The following GRIA4 variants were observed in gnomAD, a reference collection of about 807,000 sequenced individuals.
GRIA4 encodes glutamate ionotropic receptor AMPA type subunit 4, also known as glutamate receptor 4.
GRIA4 carries 34 observed loss-of-function variants against 104.0 expected under a neutral mutation model. That is an observed-to-expected ratio of 0.33 (90% CI 0.25 to 0.44). The LOEUF (loss-of-function observed/expected upper bound fraction) is 0.44. Ranked by LOEUF, GRIA4 falls within the 20% of genes least tolerant of loss-of-function variation. GRIA4 has a pLI of 1.00. For missense variants in GRIA4, 750 were observed against 1,096.5 expected (o/e 0.68, Z 4.46); for synonymous variants, 386 against 381.9 (o/e 1.01, Z -0.13).
chr11:105,651,663 C>T (rs1162061888), intron 3 of GRIA4, among the ~76,000 whole-genome samples: 3 of 152,004 alleles, frequency 2.0e-5, no homozygotes, highest in African/African-American at 7.2e-5. Context: ...ACTGTGATAA[C>T]ACTTTATATT....
Position 105,753,038 on chromosome 11 carries a change from C to T in GRIA4, c.305C>T (p.Ser102Leu), listed in dbSNP as rs748694295. Residue 102 changes from serine to leucine, a missense_variant, in exon 4 of 17, where the codon TCG becomes TTG. By Grantham distance (145) the Ser-to-Leu change is moderately radical. Around this residue, in one of 3 missense-constraint regions of GRIA4, gnomAD observed 410 missense variants for 502.7 expected, o/e 0.82. Coordinates refer to ENST00000282499, the MANE Select transcript of GRIA4 (RefSeq NM_000829.4). The stretch of plus-strand genomic sequence containing the variant: ...ATTTTTGGACTCTATGATAAGAGGT[C>T]GGTACATACCTTGACCTCATTCTGC... ...FAIFGLYDKR[S>L]VHTLTSFCSA... is the part of the protein sequence containing the mutation. 3.7e-6 allele frequency: 6 copies of T among 1,612,844 alleles called. No homozygotes were observed. The highest frequency in any genetic ancestry group is 2.2e-5 in the East Asian group (1 of 44,822).
intron 3 of GRIA4, among the ~76,000 whole-genome samples, chr11:105,622,480 T>C (rs1950772936): frequency 6.6e-6 from 1 of 151,908 alleles, no homozygotes; most frequent in Non-Finnish European, 1.5e-5. Flanking sequence ...CTGTTTATCT[T>C]CTGAAGTTCT....
intron 4 of GRIA4, among the ~76,000 whole-genome samples, chr11:105,844,791 ACTG>A (rs1944523742): frequency 6.6e-6 from 1 of 152,136 alleles, no homozygotes; most frequent in South Asian, 2.1e-4. Context: ...TACTACCACT[ACTG>A]CTACTACTAT....
chr11:105,745,894 C>T (rs1939626841), intron 3 of GRIA4, among the ~76,000 whole-genome samples: 1 of 152,070 alleles, frequency 6.6e-6, no homozygotes, highest in South Asian at 2.1e-4. Context: ...TTTTAGCTTG[C>T]CTGCCTCTCC....
intron 3 of GRIA4, among the ~76,000 whole-genome samples, chr11:105,701,704 G>C (rs1273134421): frequency 1.3e-5 from 2 of 152,054 alleles, no homozygotes; most frequent in East Asian, 3.9e-4. Context: ...CTTCCACTTG[G>C]CCTCTTCCAC....
At chr11:105,760,243 T>C (rs113713371) in intron 4 of GRIA4, among the ~76,000 whole-genome samples, 3,293 of 152,216 alleles carry the variant, frequency 0.022, 51 homozygotes, top group Non-Finnish European at 0.033. Flanking sequence ...TGTTTTCCCT[T>C]CAAGCAACCG....
At chr11:105,906,520 G>T (rs948881221) in intron 9 of GRIA4, among the ~76,000 whole-genome samples, 5 of 152,152 alleles carry the variant, frequency 3.3e-5, no homozygotes, top group Non-Finnish European at 5.9e-5. Flanking sequence ...AATGGCAAAG[G>T]CTTTCCCAGT....
Position 105,862,156 on chromosome 11 carries a change from A to G in GRIA4, c.620A>G (p.Lys207Arg). ...GAAGAACTTGACAGAAGACAAGAGA[A>G]GAAGTTTGTAATAGACTGTGAGATA... ...LLEELDRRQE[K>R]KFVIDCEIER... The change falls in exon 5 of 17, where the codon AAG becomes AGG. Residue 207 changes from lysine (K) to arginine (R), a missense_variant. Transcript: ENST00000282499. 1.2e-6 allele frequency: 2 copies of G among 1,607,850 alleles called. No homozygotes were observed. Among genetic ancestry groups the G allele is most frequent in the Non-Finnish European group, 1.7e-6 (2 of 1,174,364 alleles).
intron 5 of GRIA4, among the ~76,000 whole-genome samples, chr11:105,883,718 A>G (rs555441700): frequency 1.9e-4 from 29 of 152,218 alleles, no homozygotes; most frequent in African/African-American, 7.0e-4. Flanking sequence ...GCTATTGTGA[A>G]TAGTGCTGCA....
intron 4 of GRIA4, among the ~76,000 whole-genome samples, chr11:105,762,792 G>A (rs1045863767): frequency 6.6e-6 from 1 of 152,148 alleles, no homozygotes; most frequent in Non-Finnish European, 1.5e-5. Flanking sequence ...TGCCATGATT[G>A]TGAGGCCTCT....
chr11:105,610,865 CTTTTCTTTTTTTTT>C, intron 1 of GRIA4, 29 bp from the exon 2 acceptor site: 1 of 505,882 alleles, frequency 2.0e-6, no homozygotes. Flanking sequence ...TCTTTTCTTT[CTTTTCTTTTTTTTT>C]TTTTTTTTTT....
At chr11:105,876,061 A>G (rs1945808846) in intron 5 of GRIA4, among the ~76,000 whole-genome samples, 1 of 152,094 alleles carries the variant, frequency 6.6e-6, no homozygotes, top group African/African-American at 2.4e-5. Context: ...AGTGCTACAA[A>G]TCTCCATCTA....
chr11:105,665,440 C>G (rs917371749), intron 3 of GRIA4, among the ~76,000 whole-genome samples: 1 of 151,910 alleles, frequency 6.6e-6, no homozygotes, highest in Admixed American at 6.6e-5. Flanking sequence ...TGCTTTCTAT[C>G]CCAGGTTTCT....
chr11:105,744,853 T>C (rs977826161), intron 3 of GRIA4, among the ~76,000 whole-genome samples: 2 of 152,208 alleles, frequency 1.3e-5, no homozygotes, highest in Non-Finnish European at 2.9e-5. Flanking sequence ...CCACATGTTA[T>C]GTGTTACACT....
intron 10 of GRIA4, among the ~76,000 whole-genome samples, chr11:105,911,271 G>C (rs553095305): frequency 3.2e-4 from 49 of 152,030 alleles, no homozygotes; most frequent in Admixed American, 5.2e-4. Context: ...CTTTTTCAAA[G>C]AGATTCTCAT....
At chr11:105,712,377 C>G (rs1953941424) in intron 3 of GRIA4, among the ~76,000 whole-genome samples, 1 of 151,792 alleles carries the variant, frequency 6.6e-6, no homozygotes, top group Admixed American at 6.6e-5. Context: ...TGAGGATAAA[C>G]TCAAGAAAAG....
intron 5 of GRIA4, among the ~76,000 whole-genome samples, chr11:105,865,782 C>T (rs1945383460): frequency 6.6e-6 from 1 of 152,112 alleles, no homozygotes; most frequent in Non-Finnish European, 1.5e-5. Context: ...ACATGTTTAA[C>T]CTAGTAGCAA....
intron 4 of GRIA4, among the ~76,000 whole-genome samples, chr11:105,832,963 A>G (rs967314855): frequency 2.6e-5 from 4 of 152,096 alleles, no homozygotes; most frequent in Non-Finnish European, 5.9e-5. Flanking sequence ...TTATTGGTAG[A>G]AACAGCTCTC....
chr11:105,865,092 T>C lies in GRIA4; in HGVS notation c.672+2884T>C, dbSNP rs529115051. Among the ~76,000 whole-genome samples, 175 of 152,344 alleles carry C rather than the reference T, an allele frequency of 1.1e-3. 5 individuals are homozygous for C. In the South Asian group the frequency reaches 0.034, roughly 30 times the overall value. On this transcript the variant is annotated intron_variant, in intron 5 of 16. Transcript: ENST00000282499. ...TTATTTTATGACATGAACTAATTCG[T>C]TCTTATAAATGTATTGCTATTTAAT...
Sources: gnomAD v4.1 joint callset for allele counts (sites outside exome capture counted in the v4.1 genomes callset) on GRCh38, gnomAD v4.1.1 for gene constraint, gnomAD v4.1.1 regional missense constraint, MANE v1.5 for transcripts, NCBI Gene and HGNC (gene_info 2026-07-23, HGNC 2026-07-21) for gene names.